Variants in SPIDR observed in about 807,000 individuals in gnomAD.
SPIDR encodes the protein DNA repair-scaffolding protein.
SPIDR carries 93 observed loss-of-function variants against 104.6 expected under a neutral mutation model. The ratio of observed to expected loss-of-function variants is 0.89; its 90% CI spans 0.75 to 1.06. SPIDR has a LOEUF of 1.06. Among genes scored for constraint, SPIDR ranks in the 50% least tolerant of loss-of-function variants. The probability of loss-of-function intolerance (pLI) is 0.00; values close to 1 mark genes in which losing one functional copy is unlikely to be tolerated. For synonymous variants in SPIDR, 431 were observed against 416.9 expected, an observed-to-expected ratio of 1.03 and a Z score of -0.41; for missense variants, 1,154 against 1,111.2, an observed-to-expected ratio of 1.04 and a Z score of -0.55.
At chr8:47,294,217 G>T (rs1466443609) in intron 5 of SPIDR, 187 bp downstream of exon 5, 3 of 622,074 alleles carry the variant, frequency 4.8e-6, no homozygotes, top group African/African-American at 1.9e-5. Context: ...TTCTCAACAT[G>T]GATAAATATT....
intron 5 of SPIDR, among the ~76,000 whole-genome samples, chr8:47,377,931 CTTGA>C (rs2058862186): frequency 6.6e-6 from 1 of 152,130 alleles, no homozygotes; most frequent in Non-Finnish European, 1.5e-5. Flanking sequence ...CTTTTAGTGC[CTTGA>C]TTATTTTTAT....
chr8:47,408,048 G>T, intron 7 of SPIDR, 87 bp downstream of exon 7: 1 of 668,534 alleles, frequency 1.5e-6, no homozygotes, highest in Non-Finnish European at 2.4e-6. Flanking sequence ...GAAGTTAATT[G>T]TTAATATTTT....
At chr8:47,549,488 T>A (rs1032734566) in intron 8 of SPIDR, among the ~76,000 whole-genome samples, 4 of 152,230 alleles carry the variant, frequency 2.6e-5, no homozygotes. Flanking sequence ...ACTATCTCAT[T>A]GTGGTTTTGA....
At chr8:47,515,913 G>A (rs773914861) in intron 8 of SPIDR, among the ~76,000 whole-genome samples, 1 of 152,146 alleles carries the variant, frequency 6.6e-6, no homozygotes, top group Non-Finnish European at 1.5e-5. Context: ...GGGTTCAAGC[G>A]ATTCTCCTGC....
chr8:47,554,562 A>T (rs921770454), intron 8 of SPIDR, among the ~76,000 whole-genome samples: 5 of 152,234 alleles, frequency 3.3e-5, no homozygotes, highest in South Asian at 2.1e-4. Flanking sequence ...TGCGCGGGAT[A>T]TAATCTCCTG....
intron 8 of SPIDR, among the ~76,000 whole-genome samples, chr8:47,521,460 C>T (rs1469615606): frequency 6.7e-6 from 1 of 149,120 alleles, no homozygotes; most frequent in South Asian, 2.1e-4. Context: ...TTTTTGAGAC[C>T]GAGTCTCACT....
At chr8:47,616,131 C>T (rs2064282637) in intron 10 of SPIDR, among the ~76,000 whole-genome samples, 1 of 152,168 alleles carries the variant, frequency 6.6e-6, no homozygotes. Flanking sequence ...GACAGTTTTA[C>T]TTCTTCCTTT....
rs557171511 is a variant in SPIDR at position 47,645,783 on chromosome 8, A to G, written c.1545-28018A>G. 3.3e-5 allele frequency among the ~76,000 whole-genome samples: 5 copies of G among 152,358 alleles called. No individual in the cohort carries two copies. The East Asian group carries it at 9.6e-4, about 29-fold the overall frequency. Reference sequence around the variant, plus strand: ...AACCATTCAATAAATGGGTAAGGACAGTAGGTTAGCCATCTGGAAAAAGAA... The same window carrying G: ...AACCATTCAATAAATGGGTAAGGACGGTAGGTTAGCCATCTGGAAAAAGAA... On this transcript the variant is annotated intron_variant, in intron 10 of 19. Coordinates refer to ENST00000297423, the MANE Select transcript of SPIDR (RefSeq NM_001080394.4).
Position 47,665,341 on chromosome 8 carries a change from G to T in SPIDR, c.1545-8460G>T, listed in dbSNP as rs562172905. On this transcript the variant is annotated intron_variant, in intron 10 of 19. Coordinates refer to ENST00000297423, the MANE Select transcript of SPIDR (RefSeq NM_001080394.4). ...TTACTTACACCATACTTTCCTTCTG[G>T]CCTTTAATCCCTGAGGTTAGGTCAG... Among the ~76,000 whole-genome samples the T allele has an allele frequency of 6.9e-4, 105 of 152,240 alleles. 3 individuals carry two copies. Among genetic ancestry groups the T allele is most frequent in the Admixed American group, 6.7e-3 (103 of 15,296 alleles).
intron 17 of SPIDR, 105 bp downstream of exon 17, chr8:47,727,398 C>T (rs1239853198): frequency 1.0e-6 from 1 of 987,328 alleles, no homozygotes; most frequent in East Asian, 2.6e-5. Context: ...CCCTCGAGAG[C>T]TCAAGGGGCA....
chr8:47,365,980 A>G (rs533201477), intron 5 of SPIDR, among the ~76,000 whole-genome samples: 2,737 of 152,046 alleles, frequency 0.018, 81 homozygotes, highest in African/African-American at 0.064. Flanking sequence ...GCACAAGCAC[A>G]CACACACACA....
chr8:47,297,528 A>G (rs948436743), intron 5 of SPIDR, among the ~76,000 whole-genome samples: 38 of 151,998 alleles, frequency 2.5e-4, no homozygotes, highest in Non-Finnish European at 3.5e-4. Context: ...ACATATGTAT[A>G]CATGTGCCAT....
intron 5 of SPIDR, among the ~76,000 whole-genome samples, chr8:47,344,916 G>A (rs1424263266): frequency 1.3e-5 from 2 of 152,130 alleles, no homozygotes; most frequent in East Asian, 1.9e-4. Flanking sequence ...CATTCTATAG[G>A]TTGCCTGTTC....
chr8:47,337,806 C>T (rs1425175322), intron 5 of SPIDR, among the ~76,000 whole-genome samples: 1 of 152,126 alleles, frequency 6.6e-6, no homozygotes, highest in Non-Finnish European at 1.5e-5. Flanking sequence ...TGTGAATATT[C>T]AGCTGTTGTA....
intron 8 of SPIDR, among the ~76,000 whole-genome samples, chr8:47,484,769 A>G (rs901749767): frequency 6.6e-6 from 1 of 152,236 alleles, no homozygotes; most frequent in Non-Finnish European, 1.5e-5. Context: ...CTTGGATTAC[A>G]GTATTGTATC....
At chr8:47,673,673 C>A in intron 10 of SPIDR, 128 bp from the exon 11 acceptor site, 118 of 1,238,110 alleles carry the variant, frequency 9.5e-5, no homozygotes, top group East Asian at 2.8e-4. Context: ...TTTTTCTTTA[C>A]TTTCTTTAAA....
chr8:47,446,192 TTAA>T (rs1425775069), intron 8 of SPIDR, among the ~76,000 whole-genome samples: 2 of 152,252 alleles, frequency 1.3e-5, no homozygotes, highest in African/African-American at 4.8e-5. Flanking sequence ...GACTCTTTTA[TTAA>T]GGTCTAATAC....
At chr8:47,350,900 G>A (rs1210624449) in intron 5 of SPIDR, among the ~76,000 whole-genome samples, 2 of 152,106 alleles carry the variant, frequency 1.3e-5, no homozygotes, top group Admixed American at 6.5e-5. Context: ...TTCTAGGAGT[G>A]ATTAATTTTA....
At chr8:47,672,236 C>T (rs577996306) in intron 10 of SPIDR, among the ~76,000 whole-genome samples, 3 of 152,232 alleles carry the variant, frequency 2.0e-5, no homozygotes, top group South Asian at 4.1e-4. Context: ...GCTGGGATTA[C>T]AGGTGTGAGC....
Sources: allele counts gnomAD v4.1 joint callset (sites outside exome capture counted in the v4.1 genomes callset), GRCh38; gene constraint gnomAD v4.1.1; transcripts MANE v1.5; gene names NCBI Gene and HGNC (gene_info 2026-07-23, HGNC 2026-07-21).